Variants in GPR158 observed in about 807,000 individuals in gnomAD.
GPR158 encodes the protein G protein-coupled receptor 158.
Under a neutral mutation model 78.2 loss-of-function variants are expected in GPR158, and 30 were observed. That is an observed-to-expected ratio of 0.38 (90% CI 0.29 to 0.52). GPR158 has a LOEUF of 0.52. Among genes scored for constraint, GPR158 ranks in the 20% least tolerant of loss-of-function variants. The pLI is 0.83. For missense variants in GPR158, 1,463 were observed against 1,523.5 expected (o/e 0.96, Z 0.66); for synonymous variants, 581 against 591.1 (o/e 0.98, Z 0.25).
chr10:25,576,171 T>G (rs1837093190), intron 7 of GPR158, among the ~76,000 whole-genome samples: 1 of 152,164 alleles, frequency 6.6e-6, no homozygotes, highest in African/African-American at 2.4e-5. Flanking sequence ...GTGTACATTG[T>G]ACCCAGTCTG....
intron 5 of GPR158, among the ~76,000 whole-genome samples, chr10:25,515,475 C>T (rs1206191909): frequency 4.7e-4 from 68 of 145,212 alleles, no homozygotes; most frequent in African/African-American, 1.7e-3. Flanking sequence ...CCCACTAACT[C>T]GTCATCTAGC....
At chr10:25,496,820 T>C (rs1194287322) in intron 5 of GPR158, among the ~76,000 whole-genome samples, 1 of 152,196 alleles carries the variant, frequency 6.6e-6, no homozygotes, top group East Asian at 1.9e-4. Flanking sequence ...CGGGAAATTA[T>C]ACACAAACCT....
chr10:25,328,645 G>T (rs1187549811), intron 2 of GPR158, among the ~76,000 whole-genome samples: 5 of 151,878 alleles, frequency 3.3e-5, no homozygotes, highest in Non-Finnish European at 7.4e-5. Flanking sequence ...TGAATCAATT[G>T]GCCGGGCGTG....
At chr10:25,327,770 T>C (rs1252210138) in intron 2 of GPR158, among the ~76,000 whole-genome samples, 7 of 152,156 alleles carry the variant, frequency 4.6e-5, no homozygotes, top group Admixed American at 4.6e-4. Context: ...TATAAAAAGG[T>C]TAAAAGAGAG....
rs1417714066 is a variant in GPR158, at chr10:25,600,606, T to G, written c.*1332T>G. 1 of 152,624 alleles carries G rather than the reference T, an allele frequency of 6.6e-6. No homozygotes were observed. The highest frequency in any genetic ancestry group is 1.5e-5 in the Non-Finnish European group (1 of 68,040). The allele number at this position is 152,624 out of a possible 1,614,324, so 9.5% of individuals were successfully genotyped here. A position where few individuals can be genotyped will look rare whatever the true frequency, so the allele number is the denominator to read the frequency against. On this transcript the variant is annotated 3_prime_UTR_variant, in exon 11 of 11. Transcript: ENST00000376351. ...ATTCTCATAAACTCTTATTCATTGC[T>G]TCAGCTACAGGTAGAACTTGCTGGG...
At chr10:25,433,201 ATC>A (rs1046232548) in intron 4 of GPR158, among the ~76,000 whole-genome samples, 1 of 152,206 alleles carries the variant, frequency 6.6e-6, no homozygotes, top group African/African-American at 2.4e-5. Flanking sequence ...GTGCTGTCCT[ATC>A]TCTCACACGT....
intron 5 of GPR158, among the ~76,000 whole-genome samples, chr10:25,532,407 CTCA>C (rs1836436644): frequency 6.6e-6 from 1 of 152,150 alleles, no homozygotes. Flanking sequence ...TATATTGTGT[CTCA>C]TCATCATTTT....
Position 25,361,676 on chromosome 10 carries a change from C to A in GPR158, c.1009-34235C>A, listed in dbSNP as rs368007551. ...TCATTGTGGTTTTGATTTGCATTTC[C>A]CTGATGATTAGTTCCATTAAGCAAG... On this transcript the variant is annotated intron_variant, in intron 2 of 10. Coordinates refer to ENST00000376351, the MANE Select transcript of GPR158 (RefSeq NM_020752.3). Among the ~76,000 whole-genome samples, 23 of 151,866 alleles carry A rather than the reference C, an allele frequency of 1.5e-4. No homozygotes were observed. The East Asian group carries it at 2.1e-3, about 14-fold the overall frequency.
At chr10:25,575,823 A>G (rs761544732) in intron 7 of GPR158, among the ~76,000 whole-genome samples, 2 of 152,100 alleles carry the variant, frequency 1.3e-5, no homozygotes, top group African/African-American at 2.4e-5. Context: ...GCCATAACGT[A>G]GAAATGTCTT....
intron 4 of GPR158, among the ~76,000 whole-genome samples, chr10:25,432,568 T>C (rs745560250): frequency 8.5e-5 from 13 of 152,242 alleles, no homozygotes; most frequent in Admixed American, 2.0e-4. Flanking sequence ...CATTGACATA[T>C]GTAACCTATA....
chr10:25,445,143 A>T (rs1010727313), intron 4 of GPR158, among the ~76,000 whole-genome samples: 5 of 152,216 alleles, frequency 3.3e-5, no homozygotes, highest in African/African-American at 1.2e-4. Flanking sequence ...TAAAAATGGT[A>T]GACATAAAGA....
At chr10:25,345,386 G>A (rs529312279) in intron 2 of GPR158, among the ~76,000 whole-genome samples, 27 of 151,858 alleles carry the variant, frequency 1.8e-4, no homozygotes, top group Admixed American at 2.6e-4. Context: ...TCGTAAAATC[G>A]GTCAATAAGA....
Position 25,598,357 on chromosome 10 carries a change from GAGA to G in GPR158, c.2735_2737del (p.Lys912del). 6.2e-7 allele frequency: 1 copy of G among 1,614,082 alleles called. No homozygotes were observed. Among genetic ancestry groups the G allele is most frequent in the Admixed American group, 1.7e-5 (1 of 60,010 alleles). On this transcript the variant is annotated inframe_deletion, in exon 11 of 11. Coordinates refer to ENST00000376351, the MANE Select transcript of GPR158 (RefSeq NM_020752.3). ...TCTCAGTGTCATAGCAAGCGCCAAG[GAGA>G]AGACTCTTGGATTAGCTGGGAAAAC...
At chr10:25,499,153 T>C (rs1835921031) in intron 5 of GPR158, among the ~76,000 whole-genome samples, 1 of 152,224 alleles carries the variant, frequency 6.6e-6, no homozygotes, top group African/African-American at 2.4e-5. Context: ...TTATTTTCTT[T>C]ATATTTTTCT....
intron 1 of GPR158, among the ~76,000 whole-genome samples, chr10:25,216,887 A>C (rs542832482): frequency 1.6e-4 from 24 of 152,182 alleles, no homozygotes; most frequent in Non-Finnish European, 2.9e-4. Flanking sequence ...GGAATAAGGA[A>C]TATATGCATG....
intron 4 of GPR158, among the ~76,000 whole-genome samples, chr10:25,463,098 C>T (rs1835377467): frequency 6.6e-6 from 1 of 152,152 alleles, no homozygotes; most frequent in Non-Finnish European, 1.5e-5. Context: ...TCAGTAGCCA[C>T]CACCCTTATC....
intron 2 of GPR158, among the ~76,000 whole-genome samples, chr10:25,344,775 G>C (rs1588812246): frequency 6.6e-6 from 1 of 151,926 alleles, no homozygotes; most frequent in Non-Finnish European, 1.5e-5. Flanking sequence ...TTGGGCTGCT[G>C]TGATAAAATA....
intron 3 of GPR158, among the ~76,000 whole-genome samples, chr10:25,410,997 A>G (rs68033015): frequency 0.039 from 5,985 of 152,242 alleles, 124 homozygotes; most frequent in African/African-American, 0.048. Flanking sequence ...CTCTTTCCCA[A>G]ATTCCTCAGT....
intron 4 of GPR158, among the ~76,000 whole-genome samples, chr10:25,433,549 G>GTGTGTTGTGTGTGTGT (rs386370959): frequency 1.5e-5 from 2 of 134,618 alleles, no homozygotes; most frequent in African/African-American, 2.8e-5. Flanking sequence ...TGTGTGTGTT[G>GTGTGTTGTGTGTGTGT]TGTGTGTGTG....
Sources: allele counts gnomAD v4.1 joint callset (sites outside exome capture counted in the v4.1 genomes callset), GRCh38; gene constraint gnomAD v4.1.1; transcripts MANE v1.5; gene names NCBI Gene and HGNC (gene_info 2026-07-23, HGNC 2026-07-21).